The following CNTN1 variants were observed in gnomAD, a reference collection of about 807,000 sequenced individuals.
The protein encoded by CNTN1 is contactin 1, also known as contactin-1.
A neutral mutation model predicts 126.4 loss-of-function variants in CNTN1; 38 were observed. The observed-to-expected ratio is 0.30, with a 90% CI of 0.23 to 0.39. The LOEUF is 0.39. Among genes scored for constraint, CNTN1 ranks in the 10% least tolerant of loss-of-function variants. CNTN1 has a pLI of 1.00. For synonymous variants in CNTN1, 413 were observed against 422.6 expected (o/e 0.98, Z 0.28); for missense variants, 1,009 against 1,248.4 (o/e 0.81, Z 2.89).
At chr12:40,933,599 A>T (rs1413946236) in intron 8 of CNTN1, 39 bp downstream of exon 8, 2 of 1,521,310 alleles carry the variant, frequency 1.3e-6, no homozygotes, top group Non-Finnish European at 1.8e-6. Context: ...ATATAGAAAT[A>T]GTACCATTTT....
chr12:40,922,700 C>T (rs1945490014), intron 5 of CNTN1, among the ~76,000 whole-genome samples: 1 of 152,062 alleles, frequency 6.6e-6, no homozygotes, highest in East Asian at 1.9e-4. Flanking sequence ...AGGCTGGGCG[C>T]GGTGGCTCAC....
chr12:40,842,433 T>A (rs1231784830), intron 1 of CNTN1, among the ~76,000 whole-genome samples: 2 of 152,094 alleles, frequency 1.3e-5, no homozygotes, highest in Non-Finnish European at 2.9e-5. Context: ...CATAAATGTT[T>A]GAGGTGATGG....
chr12:40,719,588 T>A (rs1942139684), intron 1 of CNTN1, among the ~76,000 whole-genome samples: 1 of 152,226 alleles, frequency 6.6e-6, no homozygotes, highest in Admixed American at 6.5e-5. Flanking sequence ...ATATTCCATG[T>A]GTAATTGTGA....
chr12:40,724,919 C>T (rs1942309535), intron 1 of CNTN1, among the ~76,000 whole-genome samples: 1 of 152,114 alleles, frequency 6.6e-6, no homozygotes, highest in Non-Finnish European at 1.5e-5. Context: ...TGGAATTTTA[C>T]CAAATCAGCC....
intron 14 of CNTN1, among the ~76,000 whole-genome samples, chr12:40,950,227 T>C (rs1946621310): frequency 6.6e-6 from 1 of 151,588 alleles, no homozygotes; most frequent in Admixed American, 6.6e-5. Context: ...AAATTATCGA[T>C]AGAACCAAGC....
chr12:40,956,549 G>T (rs1406772577), intron 14 of CNTN1, among the ~76,000 whole-genome samples: 1 of 151,988 alleles, frequency 6.6e-6, no homozygotes, highest in Non-Finnish European at 1.5e-5. Context: ...TGAGGGGTAT[G>T]AATCACAATT....
At chr12:40,770,270 T>G (rs1322871221) in intron 1 of CNTN1, among the ~76,000 whole-genome samples, 1 of 152,100 alleles carries the variant, frequency 6.6e-6, no homozygotes, top group African/African-American at 2.4e-5. Context: ...ATTCACCAAA[T>G]CAGTGATCCA....
At chr12:40,696,025 T>G (rs1941443107) in intron 1 of CNTN1, among the ~76,000 whole-genome samples, 2 of 152,226 alleles carry the variant, frequency 1.3e-5, no homozygotes, top group South Asian at 4.1e-4. Context: ...GCAAGTCAAC[T>G]GGGGATTATC....
At chr12:40,956,200 C>T (rs11179184) in intron 14 of CNTN1, among the ~76,000 whole-genome samples, 18,216 of 152,012 alleles carry the variant, frequency 0.12, 1,140 homozygotes, top group Non-Finnish European at 0.12. Flanking sequence ...GCATATTTAG[C>T]GTGATTATTT....
intron 14 of CNTN1, 55 bp from the exon 15 acceptor site, chr12:40,959,059 C>A: frequency 6.2e-7 from 1 of 1,607,714 alleles, no homozygotes; most frequent in South Asian, 1.1e-5. Context: ...ATCTTAAATG[C>A]CACATAATTG....
At chr12:41,063,199 A>G (rs749082230) in intron 23 of CNTN1, among the ~76,000 whole-genome samples, 8 of 152,262 alleles carry the variant, frequency 5.3e-5, no homozygotes, top group Non-Finnish European at 7.3e-5. Flanking sequence ...TGTTGTCTTC[A>G]GTAGCTAAAG....
intron 1 of CNTN1, among the ~76,000 whole-genome samples, chr12:40,849,323 G>C (rs1942633811): frequency 6.6e-6 from 1 of 152,034 alleles, no homozygotes; most frequent in Non-Finnish European, 1.5e-5. Context: ...GATTAATAAG[G>C]GTGATTTTAT....
intron 3 of CNTN1, among the ~76,000 whole-genome samples, chr12:40,916,005 G>C (rs1945226182): frequency 6.6e-6 from 1 of 152,010 alleles, no homozygotes; most frequent in Non-Finnish European, 1.5e-5. Flanking sequence ...TTCTCCATTG[G>C]TAATAACATT....
chr12:40,824,548 C>A (rs570906569), intron 1 of CNTN1, among the ~76,000 whole-genome samples: 24 of 152,138 alleles, frequency 1.6e-4, no homozygotes, highest in African/African-American at 5.8e-4. Context: ...TGGCTGACTC[C>A]AAAAACTGTA....
chr12:40,844,370 T>C (rs1008940011), intron 1 of CNTN1, among the ~76,000 whole-genome samples: 3 of 152,106 alleles, frequency 2.0e-5, no homozygotes, highest in African/African-American at 7.2e-5. Context: ...CTGGCCACAA[T>C]GATTTTTTGA....
At chr12:40,720,580 A>C (rs1942176534) in intron 1 of CNTN1, among the ~76,000 whole-genome samples, 1 of 152,222 alleles carries the variant, frequency 6.6e-6, no homozygotes, top group South Asian at 2.1e-4. Context: ...TAATTGAATG[A>C]TATTTTAAAT....
At position 40,909,884 on chromosome 12, in the gene CNTN1, C is replaced by T. The variant is rs114816947; in HGVS notation, c.62-189C>T. On this transcript the variant is annotated intron_variant, in intron 2 of 23. Coordinates refer to ENST00000551295, the MANE Select transcript of CNTN1 (RefSeq NM_001843.4). ...TACGAATTCTATTGACTGCAAACTT[C>T]GGTGCTGCAACTATCAATGTAAAGA... Among the ~76,000 whole-genome samples the T allele has an allele frequency of 8.9e-3, 1,354 of 151,982 alleles. 18 individuals are homozygous for T. Among genetic ancestry groups the T allele is most frequent in the African/African-American group, 0.031 (1,281 of 41,478 alleles).
At chr12:40,958,351 A>G (rs545960991) in intron 14 of CNTN1, among the ~76,000 whole-genome samples, 41 of 147,154 alleles carry the variant, frequency 2.8e-4, no homozygotes, top group Admixed American at 4.8e-4. Context: ...GTGTGTATAT[A>G]TGTGTGTGTG....
At chr12:40,864,084 G>A (rs2405507) in intron 1 of CNTN1, among the ~76,000 whole-genome samples, 58,449 of 142,776 alleles carry the variant, frequency 0.41, 11,884 homozygotes, top group Middle Eastern at 0.45. Context: ...GCAATGGTGC[G>A]ATCTTGGCTC....
Sources: gnomAD v4.1 joint callset for allele counts (sites outside exome capture counted in the v4.1 genomes callset) on GRCh38, gnomAD v4.1.1 for gene constraint, MANE v1.5 for transcripts, NCBI Gene and HGNC (gene_info 2026-07-23, HGNC 2026-07-21) for gene names.